BMAL2: variants seen among roughly 807,000 people sequenced by gnomAD.
The protein encoded by BMAL2 is basic helix-loop-helix ARNT like 2.
At chr12:27,387,403 T>C in the BMAL2 span, 2 of 883,220 alleles carry the variant, frequency 2.3e-6, no homozygotes, top group African/African-American at 1.7e-5. Flanking sequence ...TCTGAACACC[T>C]TCTCCCCACT....
chr12:27,350,688 T>C, the BMAL2 span, among the ~76,000 whole-genome samples: 1 of 152,200 alleles, frequency 6.6e-6, no homozygotes, highest in Non-Finnish European at 1.5e-5. Context: ...ATTTCTTTTT[T>C]CTTTTTTTGG....
chr12:27,342,843 A>T, the BMAL2 span, among the ~76,000 whole-genome samples: 1 of 152,258 alleles, frequency 6.6e-6, no homozygotes, highest in African/African-American at 2.4e-5. Flanking sequence ...TCATGGTGCT[A>T]GTGGCTTCTT....
chr12:27,399,177 C>T, the BMAL2 span, among the ~76,000 whole-genome samples: 6 of 152,196 alleles, frequency 3.9e-5, no homozygotes, highest in Non-Finnish European at 8.8e-5. Flanking sequence ...AACCTGCCCT[C>T]TGTTCCCTGC....
the BMAL2 span, chr12:27,390,203 G>T: frequency 1.2e-6 from 2 of 1,613,882 alleles, no homozygotes; most frequent in Non-Finnish European, 1.7e-6. Context: ...CTCTGTCAAA[G>T]AAGAGCATGG....
chr12:27,379,208 C>T, the BMAL2 span, among the ~76,000 whole-genome samples: 2 of 152,094 alleles, frequency 1.3e-5, no homozygotes, highest in African/African-American at 4.8e-5. Context: ...AGGAGTAGTA[C>T]AGGAAGAATT....
the BMAL2 span, among the ~76,000 whole-genome samples, chr12:27,338,887 T>C: frequency 1.4e-4 from 21 of 152,228 alleles, 1 homozygote; most frequent in African/African-American, 5.1e-4. Flanking sequence ...GTCTTAGTCT[T>C]CACTCCAAGT....
the BMAL2 span, among the ~76,000 whole-genome samples, chr12:27,357,943 T>C: frequency 6.6e-6 from 1 of 152,114 alleles, no homozygotes; most frequent in African/African-American, 2.4e-5. Flanking sequence ...CTTCTAGACA[T>C]TGGCTTAGGC....
At chr12:27,376,952 A>ACG in the BMAL2 span, among the ~76,000 whole-genome samples, 1 of 146,718 alleles carries the variant, frequency 6.8e-6, no homozygotes, top group African/African-American at 2.5e-5. Context: ...AGTGAGCCGA[A>ACG]ATCGCGCCAC....
chr12:27,409,396 G>T, the BMAL2 span, among the ~76,000 whole-genome samples: 2 of 152,132 alleles, frequency 1.3e-5, no homozygotes, highest in Non-Finnish European at 2.9e-5. Context: ...CCAAAACAGA[G>T]ATATAGACCA....
At chr12:27,352,167 A>G in the BMAL2 span, among the ~76,000 whole-genome samples, 3 of 152,182 alleles carry the variant, frequency 2.0e-5, no homozygotes, top group Admixed American at 6.5e-5. Flanking sequence ...AAAGAAATCA[A>G]ATTGCTAAAT....
the BMAL2 span, chr12:27,385,505 G>C: frequency 1.2e-6 from 2 of 1,607,254 alleles, no homozygotes. Flanking sequence ...TATGTGGGAA[G>C]TAATTATAGA....
the BMAL2 span, among the ~76,000 whole-genome samples, chr12:27,403,720 A>G: frequency 6.6e-6 from 1 of 152,162 alleles, no homozygotes; most frequent in African/African-American, 2.4e-5. Context: ...TCATACCAAC[A>G]TGAAAAAAAA....
chr12:27,364,972 A>C, the BMAL2 span, among the ~76,000 whole-genome samples: 1 of 152,102 alleles, frequency 6.6e-6, no homozygotes, highest in Non-Finnish European at 1.5e-5. Context: ...ATTTTTACAT[A>C]TTGATTTATA....
the BMAL2 span, chr12:27,418,271 C>A: frequency 9.9e-7 from 1 of 1,014,514 alleles, no homozygotes; most frequent in Non-Finnish European, 1.5e-6. Context: ...TTTTCAGGCA[C>A]AGGAAATTTG....
chr12:27,391,387 G>T, the BMAL2 span, among the ~76,000 whole-genome samples: 1 of 152,140 alleles, frequency 6.6e-6, no homozygotes, highest in Admixed American at 6.5e-5. Flanking sequence ...CTTTTTTATG[G>T]CTGTGTAGTA....
chr12:27,423,300 T>C, the BMAL2 span: 1 of 151,418 alleles, frequency 6.6e-6, no homozygotes, highest in African/African-American at 2.4e-5. Flanking sequence ...ATAAAAACAG[T>C]ACTCTAGACT....
the BMAL2 span, among the ~76,000 whole-genome samples, chr12:27,339,494 T>C: frequency 1.3e-5 from 2 of 152,244 alleles, no homozygotes; most frequent in African/African-American, 4.8e-5. Context: ...CTGAATTGAA[T>C]AGTAGTTCTG....
the BMAL2 span, among the ~76,000 whole-genome samples, chr12:27,405,139 G>A: frequency 6.6e-6 from 1 of 152,190 alleles, no homozygotes; most frequent in African/African-American, 2.4e-5. Context: ...GCTCAAGGAA[G>A]CCTGCCTGCC....
the BMAL2 span, chr12:27,385,592 A>G: frequency 1.0e-4 from 142 of 1,420,274 alleles, no homozygotes; most frequent in Non-Finnish European, 1.3e-4. Context: ...TAAGTTGTGT[A>G]TGTGCTTTCA....
Sources: gnomAD v4.1 joint callset for allele counts (sites outside exome capture counted in the v4.1 genomes callset) on GRCh38, gnomAD v4.1.1 for gene constraint, MANE v1.5 for transcripts, NCBI Gene and HGNC (gene_info 2026-07-23, HGNC 2026-07-21) for gene names.